RGS20: variants seen among roughly 807,000 people sequenced by gnomAD.
The protein encoded by RGS20 is regulator of G protein signaling 20.
RGS20 carries 30 observed loss-of-function variants against 33.6 expected under a neutral mutation model. That is an observed-to-expected ratio of 0.89 (90% CI 0.67 to 1.21). RGS20 has a LOEUF of 1.21. Ranked by LOEUF, RGS20 falls within the 50% of genes most tolerant of loss-of-function variation. The probability of loss-of-function intolerance (pLI) is 0.00; values close to 1 mark genes in which losing one functional copy is unlikely to be tolerated. For missense variants in RGS20, 472 were observed against 502.4 expected (o/e 0.94, Z 0.58); for synonymous variants, 208 against 197.9 (o/e 1.05, Z -0.43).
At chr8:53,942,627 A>C (rs1013178788) in intron 3 of RGS20, among the ~76,000 whole-genome samples, 1 of 152,166 alleles carries the variant, frequency 6.6e-6, no homozygotes, top group Non-Finnish European at 1.5e-5. Context: ...GGATGAATAT[A>C]TTGTGGTATA....
intron 2 of RGS20, chr8:53,880,351 G>C (rs1232251588): frequency 1.3e-5 from 2 of 153,122 alleles, no homozygotes; most frequent in African/African-American, 2.4e-5. Context: ...GGCTAGCTGG[G>C]AGGGGGCGAG....
At chr8:53,856,316 A>G (rs1220224498) in intron 1 of RGS20, among the ~76,000 whole-genome samples, 1 of 151,718 alleles carries the variant, frequency 6.6e-6, no homozygotes, top group African/African-American at 2.4e-5. Flanking sequence ...CCCAGGTTCA[A>G]GTGATTCTCC....
intron 3 of RGS20, chr8:53,945,475 G>A (rs146604377): frequency 1.3e-5 from 2 of 152,316 alleles, no homozygotes; most frequent in African/African-American, 4.8e-5. Flanking sequence ...ACTGCTTACT[G>A]GTGGGGTTTC....
chr8:53,915,093 G>A (rs1813448662), intron 2 of RGS20, among the ~76,000 whole-genome samples: 1 of 151,378 alleles, frequency 6.6e-6, no homozygotes, highest in Non-Finnish European at 1.5e-5. Flanking sequence ...GCAGTGAGCC[G>A]AGATCGCGCC....
At chr8:53,874,810 G>A (rs1339176942) in intron 1 of RGS20, among the ~76,000 whole-genome samples, 1 of 152,194 alleles carries the variant, frequency 6.6e-6, no homozygotes, top group African/African-American at 2.4e-5. Flanking sequence ...AGTCATACTG[G>A]AATAGGGTGT....
Position 53,910,422 on chromosome 8 carries a change from AAAAAAAAAAT to A in RGS20, c.511-29153_511-29144del, listed in dbSNP as rs936785223. Among the ~76,000 whole-genome samples, 103 of 68,080 alleles carry A rather than the reference AAAAAAAAAAT, an allele frequency of 1.5e-3. 1 individual carries two copies. Among genetic ancestry groups the A allele is most frequent in the African/African-American group, 9.3e-3 (98 of 10,526 alleles). 44.7% of individuals were successfully genotyped at this position (68,080 alleles called of 152,430 possible). A position where few individuals can be genotyped will look rare whatever the true frequency, so the allele number is the denominator to read the frequency against. ...ACTTACGCCTATTAAAATCGCCAGG[AAAAAAAAAAT>A]CTGACAATGTCAGCTACTGACAAGG... On this transcript the variant is annotated intron_variant, in intron 2 of 5. Transcript: ENST00000297313.
At chr8:53,949,287 T>A (rs1460826965) in intron 4 of RGS20, among the ~76,000 whole-genome samples, 2 of 147,312 alleles carry the variant, frequency 1.4e-5, no homozygotes, top group African/African-American at 2.5e-5. Context: ...CAGTATATAT[T>A]TATATATACT....
chr8:53,885,393 C>G (rs544895674), intron 2 of RGS20, among the ~76,000 whole-genome samples: 16 of 152,170 alleles, frequency 1.1e-4, no homozygotes, highest in Non-Finnish European at 2.4e-4. Context: ...GCGGGTGGAT[C>G]ACGAGGTCAG....
chr8:53,950,692 G>A (rs2129293446), intron 4 of RGS20, among the ~76,000 whole-genome samples: 1 of 151,790 alleles, frequency 6.6e-6, no homozygotes, highest in African/African-American at 2.4e-5. Flanking sequence ...TTGGCTCACT[G>A]CAACCTCTGC....
intron 2 of RGS20, among the ~76,000 whole-genome samples, chr8:53,932,332 A>G (rs995549563): frequency 3.3e-5 from 5 of 152,140 alleles, no homozygotes; most frequent in African/African-American, 1.2e-4. Context: ...GGTCTAGCTC[A>G]GTGGATCCCA....
intron 2 of RGS20, among the ~76,000 whole-genome samples, chr8:53,906,670 ATCGCAGTGCTTT>A (rs1238263158): frequency 1.3e-5 from 2 of 152,196 alleles, no homozygotes; most frequent in Non-Finnish European, 2.9e-5. Flanking sequence ...TTCCTGGAAT[ATCGCAGTGCTTT>A]TCATGCACCT....
At chr8:53,869,450 C>T (rs1812004930) in intron 1 of RGS20, among the ~76,000 whole-genome samples, 1 of 152,038 alleles carries the variant, frequency 6.6e-6, no homozygotes, top group South Asian at 2.1e-4. Flanking sequence ...CTGAGGTGAG[C>T]AGATCACTTG....
At chr8:53,867,000 G>A (rs1324469349) in intron 1 of RGS20, among the ~76,000 whole-genome samples, 12 of 152,080 alleles carry the variant, frequency 7.9e-5, no homozygotes, top group African/African-American at 2.2e-4. Context: ...ACGTAGGCTC[G>A]GCTAGAAGCC....
intron 2 of RGS20, among the ~76,000 whole-genome samples, chr8:53,883,204 T>A (rs542825692): frequency 2.6e-5 from 4 of 152,074 alleles, no homozygotes; most frequent in Non-Finnish European, 5.9e-5. Context: ...TGGCCCAGGC[T>A]GGAGTGCAAT....
chr8:53,958,093 G>A (rs1330432260), intron 5 of RGS20, among the ~76,000 whole-genome samples, 177 bp from the exon 5 acceptor site: 2 of 151,982 alleles, frequency 1.3e-5, no homozygotes, highest in Non-Finnish European at 2.9e-5. Context: ...CTGAGATCGC[G>A]CCACTGCACT....
intron 2 of RGS20, among the ~76,000 whole-genome samples, chr8:53,929,418 T>G (rs1447102912): frequency 3.3e-5 from 5 of 152,152 alleles, no homozygotes; most frequent in Admixed American, 3.3e-4. Flanking sequence ...CAGTGGCTGA[T>G]GCCTGTAATC....
rs968598074 is a variant in RGS20 at position 53,942,857 on chromosome 8, A to G, written c.659+3133A>G. On this transcript the variant is annotated intron_variant, in intron 3 of 5. Transcript: ENST00000297313. ...AAAAAAAAAAAAAAGTTAGCCCGGC[A>G]TGGTGGCATGTGCCTGTAGTCCCAG... 1.0e-3 allele frequency among the ~76,000 whole-genome samples: 156 copies of G among 150,086 alleles called. 1 individual carries two copies. The highest frequency in any genetic ancestry group is 3.6e-3 in the African/African-American group (148 of 40,804).
At chr8:53,956,938 G>A (rs550001343) in intron 5 of RGS20, among the ~76,000 whole-genome samples, 24 of 152,196 alleles carry the variant, frequency 1.6e-4, no homozygotes, top group Admixed American at 4.6e-4. Context: ...ACCTTGTCTA[G>A]GAAGAGCCAA....
intron 4 of RGS20, among the ~76,000 whole-genome samples, chr8:53,948,226 T>C (rs1386344653): frequency 1.4e-5 from 2 of 138,158 alleles, no homozygotes; most frequent in African/African-American, 2.6e-5. Context: ...AGTATATATA[T>C]TTATATATGC....
Sources: allele counts gnomAD v4.1 joint callset (sites outside exome capture counted in the v4.1 genomes callset), GRCh38; gene constraint gnomAD v4.1.1; transcripts MANE v1.5; gene names NCBI Gene and HGNC (gene_info 2026-07-23, HGNC 2026-07-21).